ASCC3: variants seen among roughly 807,000 people sequenced by gnomAD.
The protein encoded by ASCC3 is activating signal cointegrator 1 complex subunit 3, also known as ASC-1 complex subunit P200.
A neutral mutation model predicts 256.3 loss-of-function variants in ASCC3; 158 were observed. That is an observed-to-expected ratio of 0.62 (90% CI 0.54 to 0.70). The LOEUF is 0.70. Ranked by LOEUF, ASCC3 falls within the 30% of genes least tolerant of loss-of-function variation. ASCC3 has a pLI of 0.00. For missense variants in ASCC3, 2,259 were observed against 2,626.0 expected (o/e 0.86, Z 3.05); for synonymous variants, 948 against 883.4 (o/e 1.07, Z -1.30).
intron 4 of ASCC3, among the ~76,000 whole-genome samples, chr6:100,837,438 A>G (rs1582941118): frequency 6.6e-6 from 1 of 152,276 alleles, no homozygotes; most frequent in East Asian, 1.9e-4. Flanking sequence ...CTGCACTCCC[A>G]TATTTACTGC....
At chr6:100,829,331 G>C (rs567984928) in intron 4 of ASCC3, among the ~76,000 whole-genome samples, 3 of 152,028 alleles carry the variant, frequency 2.0e-5, no homozygotes, top group African/African-American at 7.2e-5. Context: ...ATGGAGTGGC[G>C]GGGAGGCTCA....
At chr6:100,544,655 G>C (rs1345107849) in intron 36 of ASCC3, among the ~76,000 whole-genome samples, 1 of 151,906 alleles carries the variant, frequency 6.6e-6, no homozygotes, top group Non-Finnish European at 1.5e-5. Flanking sequence ...ATGTATTAAA[G>C]AAATTCAATT....
At chr6:100,551,298 A>C (rs1227248686) in intron 36 of ASCC3, among the ~76,000 whole-genome samples, 1 of 151,990 alleles carries the variant, frequency 6.6e-6, no homozygotes, top group Non-Finnish European at 1.5e-5. Flanking sequence ...GGGGAGCCAG[A>C]CCTTAATCAA....
intron 18 of ASCC3, among the ~76,000 whole-genome samples, chr6:100,652,348 T>C (rs1396639193): frequency 1.3e-5 from 2 of 152,248 alleles, no homozygotes; most frequent in Non-Finnish European, 1.5e-5. Flanking sequence ...TCTGAGATAA[T>C]ATATGTTTAA....
chr6:100,816,720 T>C (rs1237268371), intron 4 of ASCC3, among the ~76,000 whole-genome samples: 2 of 151,682 alleles, frequency 1.3e-5, no homozygotes, highest in Non-Finnish European at 2.9e-5. Flanking sequence ...GATGAACACA[T>C]AGAGAGGAAC....
rs149089708 is a variant in ASCC3 at position 100,665,590 on chromosome 6, A to C, written c.2287-3054T>G. On this transcript the variant is annotated intron_variant, in intron 14 of 41. Transcript: ENST00000369162. ...AAAACAAACAAACAAACAAAAAAAAAATAGCCGGGCATGGTGGCATGTGCC... is the reference window on the plus strand; with the variant it reads ...AAAACAAACAAACAAACAAAAAAAACATAGCCGGGCATGGTGGCATGTGCC... Among the ~76,000 whole-genome samples the C allele has an allele frequency of 7.2e-3, 1,087 of 151,928 alleles. 12 individuals are homozygous for C. Among genetic ancestry groups the C allele is most frequent in the African/African-American group, 0.024 (1,012 of 41,436 alleles).
Position 100,536,100 on chromosome 6 carries a change from T to C in ASCC3, c.5775+4063A>G, listed in dbSNP as rs551596823. ...AAAGTCTCTAAAGGAAAAAAAGAAC[T>C]GTAAACAACTACTGCATTTTAGTTA... On this transcript the variant is annotated intron_variant, in intron 37 of 41. Coordinates refer to ENST00000369162, the MANE Select transcript of ASCC3 (RefSeq NM_006828.4). 8.1e-4 allele frequency among the ~76,000 whole-genome samples: 124 copies of C among 152,204 alleles called. 1 individual carries two copies. Among genetic ancestry groups the C allele is most frequent in the Non-Finnish European group, 1.5e-3 (103 of 68,006 alleles).
At chr6:100,697,427 A>G (rs1272773528) in intron 13 of ASCC3, among the ~76,000 whole-genome samples, 1 of 151,788 alleles carries the variant, frequency 6.6e-6, no homozygotes, top group African/African-American at 2.4e-5. Context: ...AAAAAAAAAG[A>G]GATAATGCTA....
At chr6:100,622,955 T>G (rs1177263410) in intron 30 of ASCC3, among the ~76,000 whole-genome samples, 1 of 152,100 alleles carries the variant, frequency 6.6e-6, no homozygotes, top group Non-Finnish European at 1.5e-5. Context: ...AATGTCTATA[T>G]ACTTTAAGCA....
At chr6:100,779,087 C>A (rs1213047298) in intron 8 of ASCC3, among the ~76,000 whole-genome samples, 2 of 151,864 alleles carry the variant, frequency 1.3e-5, no homozygotes, top group African/African-American at 4.8e-5. Context: ...CTATGATAAG[C>A]TTTCAGCTTT....
intron 4 of ASCC3, among the ~76,000 whole-genome samples, chr6:100,845,609 T>C (rs1207654767): frequency 6.6e-6 from 1 of 152,174 alleles, no homozygotes; most frequent in Non-Finnish European, 1.5e-5. Flanking sequence ...GCACTTAACA[T>C]AATGCCTTAT....
chr6:100,604,041 C>T (rs1041814165), intron 33 of ASCC3, among the ~76,000 whole-genome samples: 6 of 152,052 alleles, frequency 3.9e-5, no homozygotes, highest in South Asian at 2.1e-4. Context: ...AAGAATTCAC[C>T]ATTGAAGCTT....
intron 13 of ASCC3, among the ~76,000 whole-genome samples, chr6:100,692,288 A>C (rs893549583): frequency 1.3e-5 from 2 of 152,080 alleles, no homozygotes; most frequent in Non-Finnish European, 2.9e-5. Flanking sequence ...GTTTGACACT[A>C]TATGAGTTCT....
chr6:100,721,490 A>G (rs573314706), intron 11 of ASCC3, among the ~76,000 whole-genome samples: 5 of 151,872 alleles, frequency 3.3e-5, no homozygotes, highest in African/African-American at 1.2e-4. Flanking sequence ...TGTGGGCCAG[A>G]GCACATGCCT....
chr6:100,714,707 C>T (rs796749809), intron 13 of ASCC3, among the ~76,000 whole-genome samples: 21 of 152,110 alleles, frequency 1.4e-4, no homozygotes, highest in African/African-American at 5.1e-4. Flanking sequence ...ATTCTTAAAA[C>T]CAAGCACAAT....
chr6:100,748,724 T>C lies in ASCC3; in HGVS notation c.1737+17841A>G, dbSNP rs139491307. On this transcript the variant is annotated intron_variant, in intron 10 of 41. Coordinates refer to ENST00000369162, the MANE Select transcript of ASCC3 (RefSeq NM_006828.4). ...AATAATAATGAGAACTGAAGTATTA[T>C]ATTTGAAAATAATCTTAATCTTATT... Among the ~76,000 whole-genome samples the C allele has an allele frequency of 5.3e-5, 8 of 152,188 alleles. No individual in the cohort carries two copies. In the East Asian group the frequency reaches 9.6e-4, roughly 18 times the overall value.
intron 14 of ASCC3, 78 bp downstream of exon 14, chr6:100,679,540 C>T (rs1021371574): frequency 1.2e-4 from 192 of 1,591,126 alleles, no homozygotes; most frequent in Middle Eastern, 1.7e-4. Flanking sequence ...AAATTGAGAC[C>T]GTGGATCTTT....
chr6:100,724,821 A>G (rs771731550), intron 11 of ASCC3, among the ~76,000 whole-genome samples: 9 of 152,038 alleles, frequency 5.9e-5, no homozygotes, highest in Non-Finnish European at 8.8e-5. Flanking sequence ...GAAGAGGGTC[A>G]CATTAGGGAC....
rs190282306 is a variant in ASCC3 at position 100,659,144 on chromosome 6, T to C, written c.2703+2662A>G. On this transcript the variant is annotated intron_variant, in intron 16 of 41. Transcript: ENST00000369162. ...TAATAGTCAGAATTGATACTCATGA[T>C]ATCAAAGATATTAATAGAGGCAACA... Among the ~76,000 whole-genome samples the C allele has an allele frequency of 6.9e-3, 1,045 of 151,540 alleles. 4 individuals are homozygous for C. Among genetic ancestry groups the C allele is most frequent in the Middle Eastern group, 0.01 (3 of 294 alleles).
Sources: allele counts gnomAD v4.1 joint callset (sites outside exome capture counted in the v4.1 genomes callset), GRCh38; gene constraint gnomAD v4.1.1; transcripts MANE v1.5; gene names NCBI Gene and HGNC (gene_info 2026-07-23, HGNC 2026-07-21).